DNAH7: variants seen among roughly 807,000 people sequenced by gnomAD.
DNAH7 encodes dynein axonemal heavy chain 7.
DNAH7 carries 397 observed loss-of-function variants against 444.6 expected under a neutral mutation model. The observed-to-expected ratio is 0.89, with a 90% CI of 0.82 to 0.97. The LOEUF (loss-of-function observed/expected upper bound fraction) is 0.97. DNAH7 is among the 50% of genes least tolerant of loss of function. The pLI, the probability that DNAH7 is intolerant of heterozygous loss-of-function variation, is 0.00. For missense variants in DNAH7, 4,902 were observed against 4,800.8 expected (o/e 1.02, Z -0.62); for synonymous variants, 1,636 against 1,624.4 (o/e 1.01, Z -0.17).
In DNAH7 at chr2:195,922,102, C is replaced by T. The variant is rs760787754; in HGVS notation, c.3921G>A (p.Thr1307=). The T allele has an allele frequency of 4.1e-5, 66 of 1,596,180 alleles. 1 individual carries two copies. Among genetic ancestry groups the T allele is most frequent in the South Asian group, 2.1e-4 (19 of 90,696 alleles). The change falls in exon 24 of 65, where the codon ACG becomes ACA. Residue 1307 remains threonine, a synonymous_variant. Transcript: ENST00000312428. ...AAAGGGTTTACCTGTAACATCTATC[C>T]GTGAGTGGTGTAATAACCAGCCTAG... ...NSPRLVITPL[T]DRCYRTLFGA...
chr2:195,799,693 C>G (rs994841412), intron 54 of DNAH7, among the ~76,000 whole-genome samples: 2 of 148,926 alleles, frequency 1.3e-5, no homozygotes, highest in East Asian at 4.4e-4. Context: ...GTAATTGATA[C>G]AAACATTCAA....
chr2:195,910,259 AG>A, intron 24 of DNAH7, 64 bp from the exon 25 acceptor site: 1 of 1,375,796 alleles, frequency 7.3e-7, no homozygotes, highest in Admixed American at 2.7e-5. Flanking sequence ...TCACATGCCA[AG>A]AAGAGAAAAA....
Position 196,047,437 on chromosome 2 carries a change from C to T in DNAH7, c.313G>A (p.Val105Ile), listed in dbSNP as rs1395108609. 1.9e-6 allele frequency: 3 copies of T among 1,604,432 alleles called. No homozygotes were observed. Among genetic ancestry groups the T allele is most frequent in the Non-Finnish European group, 2.6e-6 (3 of 1,174,576 alleles). ...TTTGATTTGGAAGTAGATGGTCCAA[C>T]ATAACTATCATCAACTTGGTGGGGT... is the stretch of plus-strand genomic sequence containing the variant. ...KLPHQVDDSYVGPSTSKSKGK... is the reference protein window; with the variant it reads ...KLPHQVDDSYIGPSTSKSKGK... The change falls in exon 5 of 65, where the codon GTT becomes ATT. Residue 105 changes from valine to isoleucine, a missense_variant. By Grantham distance (29) the Val-to-Ile change is conservative (BLOSUM62 3). Transcript: ENST00000312428.
chr2:195,903,681 T>C (rs1029081165), intron 27 of DNAH7: 1 of 152,158 alleles, frequency 6.6e-6, no homozygotes, highest in African/African-American at 2.4e-5. Flanking sequence ...CTACAGTAAG[T>C]ATGATCTTCT....
intron 9 of DNAH7, among the ~76,000 whole-genome samples, chr2:196,017,936 A>C (rs1293493909): frequency 6.6e-6 from 1 of 152,130 alleles, no homozygotes; most frequent in Non-Finnish European, 1.5e-5. Flanking sequence ...AAACAGAGAC[A>C]TATTTAACAG....
chr2:195,836,507 A>G (rs1559132411), intron 47 of DNAH7, among the ~76,000 whole-genome samples: 2 of 151,992 alleles, frequency 1.3e-5, no homozygotes, highest in Non-Finnish European at 2.9e-5. Flanking sequence ...AAAAAAAAAA[A>G]AAAGAAAGGC....
In DNAH7 at chr2:196,042,220, T is replaced by C. The variant is rs60614256; in HGVS notation, c.398+5132A>G. 0.02 allele frequency among the ~76,000 whole-genome samples: 2,978 copies of C among 152,084 alleles called. 251 individuals are homozygous for C. In the East Asian group the frequency reaches 0.27, roughly 14 times the overall value. ...GCAAAAGTAATTACAGAATACTATA[T>C]GATCCAGAAATCCTATTGCTGTGTA... On this transcript the variant is annotated intron_variant, in intron 5 of 64. Coordinates refer to ENST00000312428, the MANE Select transcript of DNAH7 (RefSeq NM_018897.3).
chr2:196,037,041 G>A (rs577228525), intron 5 of DNAH7, among the ~76,000 whole-genome samples: 2 of 152,000 alleles, frequency 1.3e-5, no homozygotes, highest in East Asian at 3.9e-4. Context: ...GGGACCTAAG[G>A]ACTAGCCTAC....
At chr2:196,044,656 G>A (rs936783168) in intron 5 of DNAH7, among the ~76,000 whole-genome samples, 5 of 152,090 alleles carry the variant, frequency 3.3e-5, no homozygotes, top group African/African-American at 1.2e-4. Context: ...ATGTACAGGG[G>A]AAAACTGCTA....
At chr2:195,830,298 AAAAC>A (rs1336811554) in intron 48 of DNAH7, among the ~76,000 whole-genome samples, 3 of 152,234 alleles carry the variant, frequency 2.0e-5, no homozygotes, top group African/African-American at 7.2e-5. Flanking sequence ...CATCTCACTC[AAAAC>A]AAACAGTTAT....
At chr2:196,034,263 C>T (rs1195765134) in intron 5 of DNAH7, among the ~76,000 whole-genome samples, 1 of 151,922 alleles carries the variant, frequency 6.6e-6, no homozygotes, top group African/African-American at 2.4e-5. Context: ...TGGCAAAGAA[C>T]AACCAGAAAA....
intron 28 of DNAH7, among the ~76,000 whole-genome samples, chr2:195,899,485 TTTTG>T (rs1686556392): frequency 6.6e-6 from 1 of 152,200 alleles, no homozygotes; most frequent in Non-Finnish European, 1.5e-5. Flanking sequence ...CTCTAGTCCC[TTTTG>T]TTTATTGCAA....
intron 58 of DNAH7, among the ~76,000 whole-genome samples, chr2:195,782,169 T>G (rs1230037383): frequency 6.6e-6 from 1 of 152,206 alleles, no homozygotes; most frequent in Admixed American, 6.5e-5. Context: ...AGAATCTACT[T>G]TAGCAAATAA....
intron 25 of DNAH7, among the ~76,000 whole-genome samples, chr2:195,907,418 T>C (rs1456087086): frequency 6.6e-6 from 1 of 152,142 alleles, no homozygotes; most frequent in Non-Finnish European, 1.5e-5. Context: ...AGCACCTTAA[T>C]AGCCAACTAC....
Position 195,740,814 on chromosome 2 carries a change from C to T in DNAH7, c.11820G>A (p.Lys3940=). The T allele has an allele frequency of 1.9e-6, 3 of 1,566,432 alleles. No homozygotes were observed. The highest frequency in any genetic ancestry group is 1.7e-4 in the Middle Eastern group (1 of 5,886). Residue 3940 remains lysine, a synonymous_variant, in exon 64 of 65, where the codon AAG becomes AAA. Coordinates refer to ENST00000312428, the MANE Select transcript of DNAH7 (RefSeq NM_018897.3). ...TTTTGGGATGCGATTCTGCAAGTTT[C>T]TTGATCTTTCTATTCCAGGAAGCTC... The part of the protein sequence containing the change: ...LDGASWNRKI[K]KLAESHPKIL...
chr2:196,020,016 C>T (rs1456913298), intron 8 of DNAH7, among the ~76,000 whole-genome samples: 1 of 151,682 alleles, frequency 6.6e-6, no homozygotes, highest in Non-Finnish European at 1.5e-5. Flanking sequence ...ACTACCACCA[C>T]CATGTAAAGA....
intron 47 of DNAH7, among the ~76,000 whole-genome samples, chr2:195,837,516 C>T (rs1184424551): frequency 1.3e-5 from 2 of 152,138 alleles, no homozygotes; most frequent in Non-Finnish European, 2.9e-5. Context: ...TTCTAAGTTT[C>T]TTCTTTCTTT....
At chr2:196,051,971 G>T (rs754012898) in intron 2 of DNAH7, among the ~76,000 whole-genome samples, 5 of 152,126 alleles carry the variant, frequency 3.3e-5, no homozygotes, top group Non-Finnish European at 7.4e-5. Flanking sequence ...TAGTCTGTAC[G>T]TAAGTCCTGG....
intron 1 of DNAH7, among the ~76,000 whole-genome samples, chr2:196,066,356 C>T (rs1386651591): frequency 6.6e-6 from 1 of 152,160 alleles, no homozygotes; most frequent in South Asian, 2.1e-4. Flanking sequence ...CATTCTTTCC[C>T]CTTTTTAAGC....
Sources: gnomAD v4.1 joint callset for allele counts (sites outside exome capture counted in the v4.1 genomes callset) on GRCh38, gnomAD v4.1.1 for gene constraint, MANE v1.5 for transcripts, NCBI Gene and HGNC (gene_info 2026-07-23, HGNC 2026-07-21) for gene names.